The following GRIA2 variants were observed in gnomAD, a reference collection of about 807,000 sequenced individuals.
The protein encoded by GRIA2 is glutamate ionotropic receptor AMPA type subunit 2.
Under a neutral mutation model 97.3 loss-of-function variants are expected in GRIA2, and 14 were observed. That is an observed-to-expected ratio of 0.14 (90% CI 0.10 to 0.23). GRIA2 has a LOEUF of 0.23. GRIA2 is among the 10% of genes least tolerant of loss of function. The pLI is 1.00. For synonymous variants in GRIA2, 412 were observed against 387.8 expected, an observed-to-expected ratio of 1.06 and a Z score of -0.73; for missense variants, 558 against 1,069.8, an observed-to-expected ratio of 0.52 and a Z score of 6.67.
intron 2 of GRIA2, among the ~76,000 whole-genome samples, chr4:157,290,293 G>A (rs1339823068): frequency 6.6e-6 from 1 of 151,736 alleles, no homozygotes. Context: ...AAACAATTTG[G>A]CAAAATCCTA....
intron 2 of GRIA2, among the ~76,000 whole-genome samples, chr4:157,285,270 T>C (rs1732785580): frequency 6.6e-6 from 1 of 151,600 alleles, no homozygotes; most frequent in African/African-American, 2.4e-5. Flanking sequence ...GTTTTTTACG[T>C]ACTGATTCAT....
chr4:157,347,372 C>T (rs570999685), intron 12 of GRIA2, among the ~76,000 whole-genome samples: 8 of 152,222 alleles, frequency 5.3e-5, no homozygotes, highest in Admixed American at 2.0e-4. Flanking sequence ...GCCATACACT[C>T]GCTAAATAAT....
intron 15 of GRIA2, 75 bp from the exon 16 acceptor site, chr4:157,363,360 G>T: frequency 2.0e-6 from 2 of 1,001,506 alleles, no homozygotes; most frequent in Non-Finnish European, 2.6e-6. Flanking sequence ...AAACAACCCT[G>T]CCTTTCCTCT....
chr4:157,240,702 C>CTT (rs113008910), intron 2 of GRIA2, among the ~76,000 whole-genome samples: 100 of 146,828 alleles, frequency 6.8e-4, no homozygotes, highest in African/African-American at 2.2e-3. Flanking sequence ...AAGTTACTTT[C>CTT]TTTTTTTTTT....
At position 157,312,737 on chromosome 4, in the gene GRIA2, T is replaced by A. The variant is rs923554723; in HGVS notation, c.528T>A (p.Thr176=). The A allele has an allele frequency of 1.9e-5, 31 of 1,610,170 alleles. No homozygotes were observed. The highest frequency in any genetic ancestry group is 1.8e-5 in the Non-Finnish European group (21 of 1,176,946). The stretch of plus-strand genomic sequence containing the variant: ...CTGCTGAAAAGAAATGGCAAGTGAC[T>A]GCTATCAATGTGGGAAACATTAACA... ...DSAAEKKWQV[T]AINVGNINND... is the part of the protein sequence containing the mutation. Residue 176 remains threonine, a synonymous_variant, in exon 4 of 16, where the codon ACT becomes ACA. Coordinates refer to ENST00000264426, the MANE Select transcript of GRIA2 (RefSeq NM_001083619.3).
chr4:157,255,166 A>G (rs1731184721), intron 2 of GRIA2, among the ~76,000 whole-genome samples: 1 of 151,924 alleles, frequency 6.6e-6, no homozygotes, highest in Non-Finnish European at 1.5e-5. Context: ...GTCATGTAGT[A>G]TTTGACTTTC....
intron 2 of GRIA2, among the ~76,000 whole-genome samples, chr4:157,253,200 T>C (rs925900250): frequency 6.6e-6 from 1 of 151,722 alleles, no homozygotes; most frequent in Non-Finnish European, 1.5e-5. Flanking sequence ...CACTGCAACC[T>C]CTGCCTACTG....
intron 6 of GRIA2, among the ~76,000 whole-genome samples, chr4:157,331,183 G>T (rs1222401414): frequency 6.6e-6 from 1 of 152,010 alleles, no homozygotes; most frequent in Non-Finnish European, 1.5e-5. Context: ...ATTTGAAAAA[G>T]GTTGAAAGGA....
rs568420475 is a variant in GRIA2, at chr4:157,253,506, A to G, written c.229+31699A>G. ...TTTGGGGTCCTTAATAATTTTTAAG[A>G]TTGTATAAGTATATTCTTCTGAAAC... On this transcript the variant is annotated intron_variant, in intron 2 of 15. Coordinates refer to ENST00000264426, the MANE Select transcript of GRIA2 (RefSeq NM_001083619.3). Among the ~76,000 whole-genome samples the G allele has an allele frequency of 1.1e-4, 17 of 152,194 alleles. No homozygotes were observed. The South Asian group carries it at 3.5e-3, about 32-fold the overall frequency.
intron 6 of GRIA2, among the ~76,000 whole-genome samples, chr4:157,323,042 T>G (rs1382309052): frequency 1.3e-5 from 2 of 152,022 alleles, no homozygotes; most frequent in Non-Finnish European, 2.9e-5. Context: ...TTAGTTGAGA[T>G]TCAGTATTTG....
chr4:157,286,677 T>C (rs1376228507), intron 2 of GRIA2, among the ~76,000 whole-genome samples: 2 of 151,526 alleles, frequency 1.3e-5, no homozygotes, highest in Non-Finnish European at 3.0e-5. Context: ...TGCAACTATT[T>C]CTATTCTTTT....
At chr4:157,319,077 A>G (rs2126899787) in intron 5 of GRIA2, among the ~76,000 whole-genome samples, 1 of 152,314 alleles carries the variant, frequency 6.6e-6, no homozygotes, top group Non-Finnish European at 1.5e-5. Context: ...ATGGGTAACT[A>G]CTATAAAAAT....
intron 2 of GRIA2, among the ~76,000 whole-genome samples, chr4:157,248,780 CTATATATA>C (rs36210142): frequency 0.52 from 63,063 of 121,656 alleles, 18,335 homozygotes; most frequent in East Asian, 0.74. Flanking sequence ...CTTTCTTTCA[CTATATATA>C]TATATATATA....
At chr4:157,220,643 CGTGTGTGTATGTGTGTGTGTGTGTGTGT>C (rs1729444599), upstream of GRIA2, 1 of 110,950 alleles carries the variant, frequency 9.0e-6, no homozygotes, top group South Asian at 2.9e-4. Context: ...TGTGTGTGTG[CGTGTGTGTATGTGTGTGTGTGTGTGTGT>C]GTGCGCGCGC....
intron 4 of GRIA2, among the ~76,000 whole-genome samples, chr4:157,313,778 T>C (rs111251098): frequency 2.0e-5 from 3 of 152,116 alleles, no homozygotes; most frequent in Middle Eastern, 3.4e-3. Context: ...TATGTACATA[T>C]ATATGTGCAC....
chr4:157,262,806 C>T (rs757220644), intron 2 of GRIA2, among the ~76,000 whole-genome samples: 2 of 151,894 alleles, frequency 1.3e-5, no homozygotes, highest in Non-Finnish European at 2.9e-5. Flanking sequence ...AGCAAAGTAC[C>T]GAAGTCACCA....
At chr4:157,261,199 G>A (rs2126768056) in intron 2 of GRIA2, among the ~76,000 whole-genome samples, 1 of 152,182 alleles carries the variant, frequency 6.6e-6, no homozygotes, top group Non-Finnish European at 1.5e-5. Flanking sequence ...GCAGGCAATA[G>A]AGCTTGTGCA....
At chr4:157,244,776 A>T (rs541922822) in intron 2 of GRIA2, among the ~76,000 whole-genome samples, 9 of 151,952 alleles carry the variant, frequency 5.9e-5, no homozygotes, top group East Asian at 1.9e-4. Flanking sequence ...TGAATGATAT[A>T]AAAAAAATCA....
intron 2 of GRIA2, among the ~76,000 whole-genome samples, chr4:157,226,037 A>T (rs1729730441): frequency 6.6e-6 from 1 of 152,004 alleles, no homozygotes; most frequent in Admixed American, 6.5e-5. Context: ...TTTGAAAATT[A>T]AAAGTATTAA....
Sources: allele counts gnomAD v4.1 joint callset (sites outside exome capture counted in the v4.1 genomes callset), GRCh38; gene constraint gnomAD v4.1.1; transcripts MANE v1.5; gene names NCBI Gene and HGNC (gene_info 2026-07-23, HGNC 2026-07-21).